Variants in CLECL1 observed in about 807,000 individuals in gnomAD.
The protein encoded by CLECL1 is C-type lectin like 1, also known as C-type lectin-like domain family 1.
chr12:9,705,952 A>C, the CLECL1 span, among the ~76,000 whole-genome samples: 2 of 152,150 alleles, frequency 1.3e-5, no homozygotes, highest in Non-Finnish European at 2.9e-5. Flanking sequence ...TGAATCTGTA[A>C]GTTGCATTGG....
downstream of CLECL1, among the ~76,000 whole-genome samples, chr12:9,720,627 C>T (rs1312286627): frequency 6.6e-6 from 1 of 152,160 alleles, no homozygotes; most frequent in Non-Finnish European, 1.5e-5. Context: ...AGGTGTGAGC[C>T]ACCGCGCCCA....
At chr12:9,729,939 T>A (rs1866426688) in intron 1 of CLECL1, among the ~76,000 whole-genome samples, 2 of 152,210 alleles carry the variant, frequency 1.3e-5, no homozygotes, top group Admixed American at 6.5e-5. Flanking sequence ...TCACTGTCTG[T>A]GTCTCTGGGT....
chr12:9,726,627 T>A (rs76963317), intron 3 of CLECL1, among the ~76,000 whole-genome samples: 2,952 of 152,060 alleles, frequency 0.019, 95 homozygotes, highest in African/African-American at 0.063. Context: ...ATTTTGTTAT[T>A]TTAAGATAAA....
intron 1 of CLECL1, among the ~76,000 whole-genome samples, chr12:9,732,689 C>T (rs1208528259): frequency 6.6e-6 from 1 of 152,170 alleles, no homozygotes; most frequent in African/African-American, 2.4e-5. Flanking sequence ...TGAATATAAA[C>T]ATTCATCACG....
Position 9,732,992 on chromosome 12 carries a change from AAC to A in CLECL1, n.37_38del, listed in dbSNP as rs752781934. ...ACGCGAGTTCTAACGGGGAAGTCCG[AAC>A]AGTTTTGATGTCAGCGTAGACTACA... is the stretch of plus-strand genomic sequence containing the variant. On this transcript the variant is annotated non_coding_transcript_exon_variant, in exon 1 of 4. Coordinates refer to ENST00000621400, the Ensembl canonical transcript of CLECL1. The A allele has an allele frequency of 5.6e-6, 9 of 1,612,928 alleles. No homozygotes were observed. The African/African-American group carries it at 1.2e-4, about 22-fold the overall frequency.
chr12:9,719,457 T>A (rs558621211), downstream of CLECL1, among the ~76,000 whole-genome samples: 50 of 152,198 alleles, frequency 3.3e-4, no homozygotes, highest in Non-Finnish European at 6.3e-4. Context: ...ACCCGGGAAG[T>A]GGAGCTTGCA....
intron 3 of CLECL1, among the ~76,000 whole-genome samples, chr12:9,726,221 A>C (rs1193916673): frequency 6.8e-6 from 1 of 146,154 alleles, no homozygotes; most frequent in Non-Finnish European, 1.5e-5. Context: ...GTATTATAAA[A>C]AATAATGTTT....
At chr12:9,717,551 G>C (rs1866253827), downstream of CLECL1, among the ~76,000 whole-genome samples, 2 of 152,058 alleles carry the variant, frequency 1.3e-5, no homozygotes, top group African/African-American at 4.8e-5. Flanking sequence ...AGCTAGTTTT[G>C]CTTCTCAGTC....
exon 1 of CLECL1, chr12:9,733,008 G>C: frequency 6.2e-7 from 1 of 1,614,166 alleles, no homozygotes. Flanking sequence ...TTTGATGTCA[G>C]CGTAGACTAC....
chr12:9,717,174 G>C (rs1317425148), intron 2 of CLECL1, among the ~76,000 whole-genome samples: 3 of 152,180 alleles, frequency 2.0e-5, no homozygotes, highest in African/African-American at 4.8e-5. Context: ...GCTTTGGGAG[G>C]CGGAGGCGGG....
At chr12:9,725,522 C>T (rs1351006166) in intron 3 of CLECL1, among the ~76,000 whole-genome samples, 1 of 148,304 alleles carries the variant, frequency 6.7e-6, no homozygotes, top group African/African-American at 2.5e-5. Context: ...AGCAGTGTTT[C>T]ACACCCATTT....
chr12:9,718,234 TATG>T (rs1866260928), downstream of CLECL1, among the ~76,000 whole-genome samples: 1 of 142,780 alleles, frequency 7.0e-6, no homozygotes, highest in Non-Finnish European at 1.5e-5. Flanking sequence ...TGTCCCCAAA[TATG>T]ATCCACATGA....
At chr12:9,712,129 A>G (rs755624148), downstream of CLECL1, among the ~76,000 whole-genome samples, 7 of 152,310 alleles carry the variant, frequency 4.6e-5, no homozygotes, top group South Asian at 1.2e-3. Context: ...TAAGGTAAAG[A>G]TATATCTACC....
downstream of CLECL1, among the ~76,000 whole-genome samples, chr12:9,711,060 A>T (rs141725969): frequency 5.6e-4 from 85 of 152,256 alleles, 1 homozygote; most frequent in African/African-American, 1.9e-3. Context: ...GAAGAGCAAA[A>T]CTAAAAGAGC....
chr12:9,703,553 C>T, the CLECL1 span, among the ~76,000 whole-genome samples: 814 of 152,120 alleles, frequency 5.4e-3, 10 homozygotes, highest in African/African-American at 0.019. Context: ...TGCCATTATA[C>T]CTGACTAATT....
upstream of CLECL1, chr12:9,733,133 T>G (rs1565484419): frequency 6.2e-7 from 1 of 1,614,070 alleles, no homozygotes; most frequent in East Asian, 2.2e-5. Context: ...AGATGGCAAA[T>G]TTCCTTCTGC....
At chr12:9,702,945 C>T in the CLECL1 span, among the ~76,000 whole-genome samples, 1 of 152,100 alleles carries the variant, frequency 6.6e-6, no homozygotes, top group Admixed American at 6.5e-5. Flanking sequence ...GTGTATCTGC[C>T]AAGGTTCCAA....
At chr12:9,710,027 T>C in the CLECL1 span, among the ~76,000 whole-genome samples, 2 of 152,174 alleles carry the variant, frequency 1.3e-5, no homozygotes, top group Admixed American at 6.5e-5. Context: ...GCTAAAGATA[T>C]TTCAAGAACA....
downstream of CLECL1, chr12:9,718,772 C>T: frequency 1.4e-6 from 1 of 700,500 alleles, no homozygotes. Context: ...AAAAGGTGAT[C>T]AGCTGAAAAC....
Sources: allele counts gnomAD v4.1 joint callset (sites outside exome capture counted in the v4.1 genomes callset), GRCh38; gene constraint gnomAD v4.1.1; transcripts MANE v1.5; gene names NCBI Gene and HGNC (gene_info 2026-07-23, HGNC 2026-07-21).